The following RTL4 variants were observed in gnomAD, a reference collection of about 807,000 sequenced individuals.
The protein encoded by RTL4 is retrotransposon Gag-like protein 4.
Under a neutral mutation model 5.3 loss-of-function variants are expected in RTL4, and 4 were observed. The observed-to-expected ratio is 0.75, with a 90% CI of 0.37 to 1.72. The LOEUF is 1.72. RTL4 is among the 40% of genes most tolerant of loss of function. The probability of loss-of-function intolerance (pLI) is 0.04; values close to 1 mark genes in which losing one functional copy is unlikely to be tolerated. For synonymous variants in RTL4, 98 were observed against 87.3 expected (o/e 1.12, Z -0.68); for missense variants, 260 against 227.1 (o/e 1.14, Z -0.93).
At chrX:112,128,776 C>T in the RTL4 span, among the ~76,000 whole-genome samples, 1 of 110,518 alleles carries the variant, frequency 9.0e-6, no homozygotes, top group African/African-American at 3.3e-5. Flanking sequence ...CTATAAAACT[C>T]TTAGAATAAA....
At chrX:112,161,824 C>CTTT in the RTL4 span, among the ~76,000 whole-genome samples, 76 of 38,880 alleles carry the variant, frequency 2.0e-3, 2 homozygotes, top group African/African-American at 6.5e-3. Flanking sequence ...TTCCTTCCTT[C>CTTT]CTTCCTTCCT....
the RTL4 span, among the ~76,000 whole-genome samples, chrX:112,414,312 A>C: frequency 9.0e-6 from 1 of 111,479 alleles, no homozygotes; most frequent in Non-Finnish European, 1.9e-5. Flanking sequence ...TATTTTCCAT[A>C]GCATTACTTT....
the RTL4 span, among the ~76,000 whole-genome samples, chrX:112,206,898 A>G: frequency 8.9e-6 from 1 of 111,761 alleles, no homozygotes; most frequent in Non-Finnish European, 1.9e-5. Flanking sequence ...TAATGGCACT[A>G]CTAAGCACTC....
the RTL4 span, among the ~76,000 whole-genome samples, chrX:112,224,811 G>T: frequency 9.0e-6 from 1 of 111,480 alleles, no homozygotes; most frequent in South Asian, 3.9e-4. Flanking sequence ...GTTCAATGTT[G>T]CACTCCCTAC....
chrX:112,318,231 G>A, the RTL4 span, among the ~76,000 whole-genome samples: 1 of 111,381 alleles, frequency 9.0e-6, no homozygotes, highest in Non-Finnish European at 1.9e-5. Context: ...TTGCTCTTTT[G>A]CCTATCTGGA....
chrX:112,088,610 A>G, the RTL4 span, among the ~76,000 whole-genome samples: 4 of 111,952 alleles, frequency 3.6e-5, no homozygotes. Context: ...GTAATTCTAT[A>G]TTTAACTATT....
chrX:112,365,963 T>G, the RTL4 span, among the ~76,000 whole-genome samples: 5 of 111,459 alleles, frequency 4.5e-5, no homozygotes, highest in Non-Finnish European at 9.4e-5. Context: ...CCTACTGAAT[T>G]AAAGACCTTA....
chrX:112,352,273 C>T, the RTL4 span, among the ~76,000 whole-genome samples: 5 of 110,315 alleles, frequency 4.5e-5, no homozygotes, highest in South Asian at 3.8e-4. Flanking sequence ...GTGGGTAACC[C>T]GACCTTTCTC....
chrX:112,351,500 C>G, the RTL4 span, among the ~76,000 whole-genome samples: 1 of 107,389 alleles, frequency 9.3e-6, no homozygotes, highest in Non-Finnish European at 1.9e-5. Context: ...GTGTGGGAGT[C>G]TAAGTCTCTT....
chrX:112,355,679 CG>C, the RTL4 span, among the ~76,000 whole-genome samples: 1 of 110,791 alleles, frequency 9.0e-6, no homozygotes, highest in Admixed American at 9.6e-5. Flanking sequence ...GTTTTGTCTG[CG>C]CTGGGGTGGG....
chrX:112,289,103 C>T, the RTL4 span, among the ~76,000 whole-genome samples: 34,388 of 110,881 alleles, frequency 0.31, 5,401 homozygotes, highest in African/African-American at 0.59. Flanking sequence ...TCTCTTATCA[C>T]AGGGGACACC....
the RTL4 span, among the ~76,000 whole-genome samples, chrX:112,089,261 CT>C: frequency 2.7e-5 from 3 of 111,122 alleles, no homozygotes; most frequent in African/African-American, 9.8e-5. Flanking sequence ...TCCCTCCCCC[CT>C]GGAATCTGTT....
At chrX:112,348,160 CT>C in the RTL4 span, among the ~76,000 whole-genome samples, 35 of 105,823 alleles carry the variant, frequency 3.3e-4, no homozygotes, top group Non-Finnish European at 5.5e-4. Flanking sequence ...GATATTAACT[CT>C]TTTTTTTTTA....
At chrX:112,244,882 C>G in the RTL4 span, among the ~76,000 whole-genome samples, 1 of 111,848 alleles carries the variant, frequency 8.9e-6, no homozygotes, top group Non-Finnish European at 1.9e-5. Flanking sequence ...TCTTGTAAGG[C>G]AGACCTGGTG....
chrX:112,407,236 C>A, the RTL4 span, among the ~76,000 whole-genome samples: 511 of 111,208 alleles, frequency 4.6e-3, 2 homozygotes, highest in African/African-American at 0.015. Flanking sequence ...CTTTGGACAG[C>A]AGTTTTGGAC....
chrX:112,336,225 T>C, the RTL4 span, among the ~76,000 whole-genome samples: 2 of 112,253 alleles, frequency 1.8e-5, no homozygotes, highest in Admixed American at 9.5e-5. Flanking sequence ...TATAGAAAGT[T>C]AGTGAATCAA....
the RTL4 span, among the ~76,000 whole-genome samples, chrX:112,130,651 G>C: frequency 5.3e-4 from 59 of 111,165 alleles, no homozygotes; most frequent in African/African-American, 1.9e-3. Flanking sequence ...CTAAATGGGA[G>C]TATGACAACT....
the RTL4 span, among the ~76,000 whole-genome samples, chrX:112,400,232 G>A: frequency 9.0e-6 from 1 of 111,240 alleles, no homozygotes; most frequent in African/African-American, 3.3e-5. Flanking sequence ...AATTATTTGA[G>A]GTGATTTCAC....
chrX:112,305,194 C>T, the RTL4 span, among the ~76,000 whole-genome samples: 1 of 104,735 alleles, frequency 9.5e-6, no homozygotes, highest in African/African-American at 3.5e-5. Context: ...TTTTTTTTGA[C>T]AGAGTCTTGC....
Sources: allele counts gnomAD v4.1 joint callset (sites outside exome capture counted in the v4.1 genomes callset), GRCh38; gene constraint gnomAD v4.1.1; transcripts MANE v1.5; gene names NCBI Gene and HGNC (gene_info 2026-07-23, HGNC 2026-07-21).